The following CAST variants were observed in gnomAD, a reference collection of about 807,000 sequenced individuals.
The protein encoded by CAST is calpastatin, also known as MIR583 host.
In CAST, 76 loss-of-function variants were observed where a neutral mutation model predicts 119.6. That is an observed-to-expected ratio of 0.64 (90% CI 0.53 to 0.77). The LOEUF is 0.77. Ranked by LOEUF, CAST falls within the 30% of genes least tolerant of loss-of-function variation. The probability of loss-of-function intolerance (pLI) is 0.00; values close to 1 mark genes in which losing one functional copy is unlikely to be tolerated. For missense variants in CAST, 953 were observed against 946.5 expected (o/e 1.01, Z -0.09); for synonymous variants, 319 against 331.6 (o/e 0.96, Z 0.41).
In CAST at chr5:96,631,270, C is replaced by T. The variant is rs1170864465; in HGVS notation, c.61-44269C>T. On this transcript the variant is annotated intron_variant, in intron 1 of 11. Transcript: ENST00000505143. ...GTCAGCAATTAGTCCCAATTCACCTCTATTCCCATGCCCTGGCAACCACTA... is the reference window on the plus strand; with the variant it reads ...GTCAGCAATTAGTCCCAATTCACCTTTATTCCCATGCCCTGGCAACCACTA... Among the ~76,000 whole-genome samples, 2 of 141,212 alleles carry T rather than the reference C, an allele frequency of 1.4e-5. 1 individual carries two copies. The highest frequency in any genetic ancestry group is 3.2e-5 in the Non-Finnish European group (2 of 62,748). 92.6% of individuals were successfully genotyped at this position (141,212 alleles called of 152,430 possible).
chr5:96,735,757 C>T (rs867081329), intron 9 of CAST, among the ~76,000 whole-genome samples: 2 of 151,750 alleles, frequency 1.3e-5, no homozygotes, highest in African/African-American at 4.8e-5. Flanking sequence ...GTTGAGATGC[C>T]GAAGTGAGGG....
Position 96,663,565 on chromosome 5 carries a change from A to G in CAST, c.75+1068A>G, listed in dbSNP as rs561468271. On this transcript the variant is annotated intron_variant, in intron 1 of 31. Transcript: ENST00000675179. Reference sequence around the variant, plus strand: ...GAGTTCTTTTTTAACCCCTAAGTAAAGTTCAAAACTTTTAGAGGGCGATTG... The same window carrying G: ...GAGTTCTTTTTTAACCCCTAAGTAAGGTTCAAAACTTTTAGAGGGCGATTG... 2.3e-3 allele frequency among the ~76,000 whole-genome samples: 351 copies of G among 152,276 alleles called. 1 individual carries two copies. The highest frequency in any genetic ancestry group is 3.4e-3 in the Middle Eastern group (1 of 294).
chr5:96,073,436 G>T, the CAST span, among the ~76,000 whole-genome samples: 1 of 152,154 alleles, frequency 6.6e-6, no homozygotes, highest in African/African-American at 2.4e-5. Flanking sequence ...TAATACGTTT[G>T]CCCAGAAGAC....
At chr5:96,175,318 A>G in the CAST span, among the ~76,000 whole-genome samples, 1 of 152,194 alleles carries the variant, frequency 6.6e-6, no homozygotes, top group East Asian at 1.9e-4. Context: ...AAAGTACCCT[A>G]CTGGCCAAGA....
chr5:96,080,540 C>G, the CAST span, among the ~76,000 whole-genome samples: 2 of 152,156 alleles, frequency 1.3e-5, no homozygotes, highest in African/African-American at 4.8e-5. Flanking sequence ...GATTAAAGTT[C>G]ATCATTTTGG....
chr5:96,020,001 CA>C, the CAST span, among the ~76,000 whole-genome samples: 1 of 151,236 alleles, frequency 6.6e-6, no homozygotes, highest in Non-Finnish European at 1.5e-5. Flanking sequence ...GGAATATGTA[CA>C]ATTCATTTTT....
chr5:96,729,922 A>G (rs1760099094), intron 8 of CAST, among the ~76,000 whole-genome samples, 197 bp downstream of exon 8: 1 of 152,224 alleles, frequency 6.6e-6, no homozygotes, highest in African/African-American at 2.4e-5. Flanking sequence ...TGGCTTGAGA[A>G]GGGCATCAGA....
chr5:96,240,828 C>T, the CAST span, among the ~76,000 whole-genome samples: 15 of 145,442 alleles, frequency 1.0e-4, no homozygotes, highest in Non-Finnish European at 1.8e-4. Flanking sequence ...GACATTTATA[C>T]CAGATTATTC....
chr5:96,252,546 A>G, the CAST span, among the ~76,000 whole-genome samples: 1 of 152,102 alleles, frequency 6.6e-6, no homozygotes. Flanking sequence ...GTAGGTATTA[A>G]CAGTCCTATT....
the CAST span, among the ~76,000 whole-genome samples, chr5:95,971,564 C>T: frequency 6.6e-6 from 1 of 152,282 alleles, no homozygotes; most frequent in Admixed American, 6.5e-5. Context: ...ATTACCTCCT[C>T]GAAGGAACTC....
At chr5:96,027,909 TC>T in the CAST span, among the ~76,000 whole-genome samples, 1 of 152,042 alleles carries the variant, frequency 6.6e-6, no homozygotes, top group African/African-American at 2.4e-5. Context: ...AAAATAAAGG[TC>T]TTGAAATCAG....
chr5:96,175,764 A>G, the CAST span, among the ~76,000 whole-genome samples: 3 of 152,354 alleles, frequency 2.0e-5, no homozygotes, highest in East Asian at 5.8e-4. Context: ...GCTTCCACTC[A>G]GTGAGATAGA....
chr5:96,389,651 T>A, the CAST span, among the ~76,000 whole-genome samples: 34 of 152,156 alleles, frequency 2.2e-4, no homozygotes, highest in African/African-American at 7.2e-4. Context: ...AGTTGGGAAT[T>A]GGGGCCTGGC....
chr5:96,560,757 C>T (rs1165459990), intron 1 of CAST, among the ~76,000 whole-genome samples: 1 of 152,230 alleles, frequency 6.6e-6, no homozygotes, highest in East Asian at 1.9e-4. Flanking sequence ...GTTGGTGGGA[C>T]TGTAAACTAG....
At chr5:96,529,623 C>G (rs1304228571), upstream of CAST, among the ~76,000 whole-genome samples, 3 of 152,174 alleles carry the variant, frequency 2.0e-5, no homozygotes, top group African/African-American at 7.2e-5. Context: ...TATATCTCCA[C>G]TCAGATCTCA....
the CAST span, among the ~76,000 whole-genome samples, chr5:96,218,618 C>G: frequency 2.0e-5 from 3 of 152,224 alleles, no homozygotes; most frequent in Admixed American, 2.0e-4. Context: ...CTCCCCTCTT[C>G]TGAACTCAGC....
At chr5:96,439,993 G>A in the CAST span, among the ~76,000 whole-genome samples, 70 of 152,058 alleles carry the variant, frequency 4.6e-4, no homozygotes, top group Non-Finnish European at 7.4e-4. Flanking sequence ...AGTGGCCCAC[G>A]GCACATTACT....
chr5:96,587,699 A>C (rs1001075093), intron 1 of CAST, among the ~76,000 whole-genome samples: 1 of 152,222 alleles, frequency 6.6e-6, no homozygotes, highest in Non-Finnish European at 1.5e-5. Context: ...GGAGGTTTTA[A>C]CTGCAAGAAA....
the CAST span, among the ~76,000 whole-genome samples, chr5:96,104,266 T>C: frequency 3.3e-5 from 5 of 152,230 alleles, no homozygotes. Context: ...ATTTTGGCTT[T>C]TGTTGCCATT....
Sources: allele counts gnomAD v4.1 joint callset (sites outside exome capture counted in the v4.1 genomes callset), GRCh38; gene constraint gnomAD v4.1.1; transcripts MANE v1.5; gene names NCBI Gene and HGNC (gene_info 2026-07-23, HGNC 2026-07-21).